The following SEMA4F variants were observed in gnomAD, a reference collection of about 807,000 sequenced individuals.
SEMA4F encodes semaphorin-4F.
In SEMA4F, 51 loss-of-function variants were observed where a neutral mutation model predicts 78.4. The ratio of observed to expected loss-of-function variants is 0.65; its 90% CI spans 0.52 to 0.82. The LOEUF is 0.82. Ranked by LOEUF, SEMA4F falls within the 40% of genes least tolerant of loss-of-function variation. The pLI is 0.00. For missense variants in SEMA4F, 938 were observed against 1,014.4 expected, an observed-to-expected ratio of 0.92 and a Z score of 1.02; for synonymous variants, 418 against 408.7, an observed-to-expected ratio of 1.02 and a Z score of -0.27.
rs1012734149 is a variant in SEMA4F at position 74,654,575 on chromosome 2, A to G, written c.145+54A>G. ...CCTTCGCGCCCACACCCACACCCAC[A>G]CCCACCTGCTCCTCAGACCGCTCGG... is the stretch of plus-strand genomic sequence containing the variant. On this transcript the variant is annotated intron_variant, in intron 1 of 13. Transcript: ENST00000357877. The G allele has an allele frequency of 1.8e-5, 25 of 1,418,156 alleles. No individual in the cohort carries two copies. The African/African-American group carries it at 3.5e-4, about 20-fold the overall frequency. The allele number at this position is 1,418,156 out of a possible 1,614,324, so 87.8% of individuals were successfully genotyped here.
the SEMA4F span, among the ~76,000 whole-genome samples, chr2:74,699,256 T>G: frequency 6.6e-6 from 1 of 152,208 alleles, no homozygotes; most frequent in South Asian, 2.1e-4. Context: ...TTTCCAATTT[T>G]CCAATCATTA....
At chr2:74,664,306 T>G (rs981633698) in intron 5 of SEMA4F, among the ~76,000 whole-genome samples, 36 of 152,360 alleles carry the variant, frequency 2.4e-4, no homozygotes, top group African/African-American at 6.7e-4. Flanking sequence ...AAAAATTCAT[T>G]GTAAAGATAA....
chr2:74,656,844 T>C lies in SEMA4F; in HGVS notation c.297+159T>C, dbSNP rs3025984. 9.8e-4 allele frequency among the ~76,000 whole-genome samples: 149 copies of C among 152,122 alleles called. 1 individual carries two copies. The South Asian group carries it at 0.012, about 13-fold the overall frequency. ...AGACATGGGGGGAGATCATCCACTT[T>C]GTTTTCTTAGCTAAGAGTATGGCGG... On this transcript the variant is annotated intron_variant, in intron 2 of 13. Coordinates refer to ENST00000357877, the MANE Select transcript of SEMA4F (RefSeq NM_004263.5).
chr2:74,674,580 A>G lies in SEMA4F; in HGVS notation c.905A>G (p.His302Arg), dbSNP rs1196043382. The change falls in exon 8 of 14, where the codon CAT becomes CGT. Residue 302 changes from histidine to arginine, a missense_variant. Transcript: ENST00000357877. ...KADLLCPGPEHGRASSVLQDV... is the reference protein window; with the variant it reads ...KADLLCPGPERGRASSVLQDV... ...GACCTGCTCTGTCCAGGGCCTGAGC[A>G]TGGCCGGGCCTCCAGTGTCCTGCAG... 5.6e-6 allele frequency: 9 copies of G among 1,614,032 alleles called. No homozygotes were observed. Among genetic ancestry groups the G allele is most frequent in the Non-Finnish European group, 7.6e-6 (9 of 1,180,042 alleles).
At chr2:74,656,879 A>G (rs1165743313) in intron 2 of SEMA4F, among the ~76,000 whole-genome samples, 194 bp downstream of exon 2, 1 of 151,450 alleles carries the variant, frequency 6.6e-6, no homozygotes, top group Non-Finnish European at 1.5e-5. Flanking sequence ...GGTCAGGGTG[A>G]CTGGGGAGGA....
the SEMA4F span, among the ~76,000 whole-genome samples, chr2:74,696,075 G>T: frequency 1.3e-5 from 2 of 151,358 alleles, no homozygotes; most frequent in African/African-American, 4.9e-5. Context: ...AAGGCATTCT[G>T]AAGTGATTTT....
chr2:74,690,067 CT>C, the SEMA4F span, among the ~76,000 whole-genome samples: 49 of 152,182 alleles, frequency 3.2e-4, no homozygotes, highest in Non-Finnish European at 5.3e-4. Context: ...TGCAAACCCC[CT>C]AGCACAAGCC....
Position 74,680,225 on chromosome 2 carries a change from C to T in SEMA4F, c.*16C>T. 6 of 1,546,784 alleles carry T rather than the reference C, an allele frequency of 3.9e-6. No homozygotes were observed. The highest frequency in any genetic ancestry group is 1.7e-4 in the Middle Eastern group (1 of 5,716). ...ATCCATCTAGAGCTGGGCAAATGACCACTAGTGTATAAGTGATCACTGGAA... is the reference window on the plus strand; with the variant it reads ...ATCCATCTAGAGCTGGGCAAATGACTACTAGTGTATAAGTGATCACTGGAA... On this transcript the variant is annotated 3_prime_UTR_variant, in exon 14 of 14. Coordinates refer to ENST00000357877, the MANE Select transcript of SEMA4F (RefSeq NM_004263.5).
At chr2:74,697,795 C>T in the SEMA4F span, among the ~76,000 whole-genome samples, 1 of 152,170 alleles carries the variant, frequency 6.6e-6, no homozygotes, top group Non-Finnish European at 1.5e-5. Context: ...GGACCTCATT[C>T]ATCTTCGTAC....
intron 12 of SEMA4F, among the ~76,000 whole-genome samples, chr2:74,678,591 T>C (rs1685414561): frequency 6.6e-6 from 1 of 152,196 alleles, no homozygotes; most frequent in Non-Finnish European, 1.5e-5. Context: ...TGTAGGGGTC[T>C]CATTGACTTC....
the SEMA4F span, among the ~76,000 whole-genome samples, chr2:74,694,022 A>G: frequency 6.6e-6 from 1 of 152,320 alleles, no homozygotes; most frequent in Middle Eastern, 3.4e-3. Context: ...TTTTAGAGAT[A>G]GATTACTAAC....
At chr2:74,664,355 G>C (rs1271282453) in intron 5 of SEMA4F, among the ~76,000 whole-genome samples, 1 of 152,076 alleles carries the variant, frequency 6.6e-6, no homozygotes, top group Non-Finnish European at 1.5e-5. Context: ...AACCTACCAT[G>C]AATTAAACAA....
chr2:74,656,785 T>A, intron 2 of SEMA4F, 100 bp downstream of exon 2: 1 of 1,206,624 alleles, frequency 8.3e-7, no homozygotes, highest in Non-Finnish European at 1.2e-6. Flanking sequence ...ACTAAAGATG[T>A]AACAGCAGGG....
chr2:74,686,840 A>T (rs1685832675), downstream of SEMA4F, among the ~76,000 whole-genome samples: 1 of 150,774 alleles, frequency 6.6e-6, no homozygotes, highest in Admixed American at 6.6e-5. Flanking sequence ...CAACACATGG[A>T]CACAGGGCGG....
rs527307440 is a variant in SEMA4F at position 74,656,574 on chromosome 2, A to T, written c.186A>T (p.Thr62=). ...SCLTRFAVPH[T]YNYSVLLVDP... ...TCACCCGGTTCGCAGTCCCTCACAC[A>T]TACAATTACTCTGTTCTCCTTGTGG... The change falls in exon 2 of 14, where the codon ACA becomes ACT. Residue 62 remains threonine, a synonymous_variant. Transcript: ENST00000357877. The T allele has an allele frequency of 1.9e-6, 3 of 1,614,054 alleles. No homozygotes were observed. In the South Asian group the frequency reaches 3.3e-5, roughly 18 times the overall value.
rs3025990 is a variant in SEMA4F, at chr2:74,672,232, G to A, written c.551-1225G>A. On this transcript the variant is annotated intron_variant, in intron 5 of 13. Coordinates refer to ENST00000357877, the MANE Select transcript of SEMA4F (RefSeq NM_004263.5). ...GCAGCCTCTCTGCCCCCACATGGCT[G>A]AGCATGGCTACCCTCTTCACTGGTT... Among the ~76,000 whole-genome samples, 758 of 152,294 alleles carry A rather than the reference G, an allele frequency of 5.0e-3. 5 individuals are homozygous for A. Among genetic ancestry groups the A allele is most frequent in the African/African-American group, 0.017 (714 of 41,570 alleles).
At chr2:74,708,815 A>T in the SEMA4F span, among the ~76,000 whole-genome samples, 1 of 152,242 alleles carries the variant, frequency 6.6e-6, no homozygotes, top group African/African-American at 2.4e-5. Context: ...AGTTATAAAC[A>T]TGCTTAAAAC....
rs1479025225 is a variant in SEMA4F, at chr2:74,679,996, G to A, written c.2100G>A (p.Leu700=). 6.2e-7 allele frequency: 1 copy of A among 1,614,202 alleles called. No individual in the cohort carries two copies. The highest frequency in any genetic ancestry group is 1.7e-5 in the Admixed American group (1 of 60,028). The part of the protein sequence containing the change: ...RELLARDKVG[L]DLGAPPSGTT... ...TTCTGGCTAGAGACAAGGTGGGCCTGGACCTGGGGGCTCCACCTTCTGGGA... is the reference window on the plus strand; with the variant it reads ...TTCTGGCTAGAGACAAGGTGGGCCTAGACCTGGGGGCTCCACCTTCTGGGA... The change falls in exon 14 of 14, where the codon CTG becomes CTA. Residue 700 remains leucine, a synonymous_variant. Transcript: ENST00000357877.
the SEMA4F span, among the ~76,000 whole-genome samples, chr2:74,694,696 G>C: frequency 1.3e-4 from 20 of 152,172 alleles, no homozygotes; most frequent in African/African-American, 4.8e-4. Flanking sequence ...TCTTCATTTT[G>C]ATGCCAATCA....
Sources: gnomAD v4.1 joint callset for allele counts (sites outside exome capture counted in the v4.1 genomes callset) on GRCh38, gnomAD v4.1.1 for gene constraint, MANE v1.5 for transcripts, NCBI Gene and HGNC (gene_info 2026-07-23, HGNC 2026-07-21) for gene names.